Variants in SEC24A observed in about 807,000 individuals in gnomAD.
The protein encoded by SEC24A is SEC24 homolog A, COPII component.
SEC24A carries 93 observed loss-of-function variants against 129.4 expected under a neutral mutation model. The observed-to-expected ratio is 0.72, with a 90% CI of 0.61 to 0.85. The LOEUF is 0.85. Ranked by LOEUF, SEC24A falls within the 40% of genes least tolerant of loss-of-function variation. The pLI is 0.00. For missense variants in SEC24A, 1,264 were observed against 1,307.4 expected (o/e 0.97, Z 0.51); for synonymous variants, 460 against 467.3 (o/e 0.98, Z 0.20).
At chr5:134,659,516 G>A (rs1396524418) in intron 1 of SEC24A, among the ~76,000 whole-genome samples, 1 of 152,034 alleles carries the variant, frequency 6.6e-6, no homozygotes, top group Non-Finnish European at 1.5e-5. Flanking sequence ...TTTTCACATA[G>A]TGGGGAGGGA....
chr5:134,676,558 C>T (rs911779038), intron 7 of SEC24A, among the ~76,000 whole-genome samples: 1 of 151,574 alleles, frequency 6.6e-6, no homozygotes, highest in Non-Finnish European at 1.5e-5. Context: ...ATTCTCTTGC[C>T]TCAGCTTCCT....
At chr5:134,719,381 C>CA (rs34242727) in intron 20 of SEC24A, among the ~76,000 whole-genome samples, 2,026 of 61,230 alleles carry the variant, frequency 0.033, 38 homozygotes, top group Middle Eastern at 0.1. Flanking sequence ...TACCTAGTCT[C>CA]AAAAAAAAAA....
At chr5:134,712,626 A>AT (rs572753444) in intron 18 of SEC24A, among the ~76,000 whole-genome samples, 47 of 148,488 alleles carry the variant, frequency 3.2e-4, no homozygotes, top group African/African-American at 9.4e-4. Flanking sequence ...TAAATATTTA[A>AT]TTTTTTTTTT....
chr5:134,725,373 A>C lies in SEC24A; in HGVS notation c.*279A>C, dbSNP rs1752734917. ...TTGAGTTGTTATGGATTAAAATAAG[A>C]ATATTGCAGAGGCAAAGTACATTTT... On this transcript the variant is annotated 3_prime_UTR_variant, in exon 23 of 23. Transcript: ENST00000398844. 4.3e-6 allele frequency: 1 copy of C among 233,368 alleles called. No individual in the cohort carries two copies. The highest frequency in any genetic ancestry group is 8.2e-6 in the Non-Finnish European group (1 of 121,624). 14.5% of individuals were successfully genotyped at this position (233,368 alleles called of 1,614,324 possible). A position where few individuals can be genotyped will look rare whatever the true frequency, so the allele number is the denominator to read the frequency against.
chr5:134,682,617 A>C (rs1751314757), intron 9 of SEC24A, 135 bp downstream of exon 9: 2 of 504,134 alleles, frequency 4.0e-6, no homozygotes, highest in South Asian at 5.2e-5. Context: ...CCCATGCTGG[A>C]GTGCAGTGGT....
intron 9 of SEC24A, 140 bp downstream of exon 9, chr5:134,682,622 A>C (rs760435813): frequency 5.8e-6 from 3 of 517,406 alleles, no homozygotes; most frequent in Non-Finnish European, 1.0e-5. Flanking sequence ...GCTGGAGTGC[A>C]GTGGTGCAGT....
At chr5:134,655,926 T>A (rs1215522726) in intron 1 of SEC24A, among the ~76,000 whole-genome samples, 2 of 151,968 alleles carry the variant, frequency 1.3e-5, no homozygotes, top group African/African-American at 2.4e-5. Flanking sequence ...TCTCTCCTCC[T>A]TAAATATTGG....
intron 13 of SEC24A, among the ~76,000 whole-genome samples, chr5:134,695,415 G>T (rs1030618075): frequency 1.3e-5 from 2 of 152,110 alleles, no homozygotes; most frequent in African/African-American, 4.8e-5. Context: ...GCTTTGGGAG[G>T]CTGAGGCAGG....
chr5:134,703,976 G>A, intron 16 of SEC24A, 44 bp downstream of exon 16: 2 of 1,358,234 alleles, frequency 1.5e-6, no homozygotes, highest in Non-Finnish European at 2.0e-6. Context: ...TTCAAATATT[G>A]TCTGGATTTC....
At chr5:134,651,924 G>A (rs1750067521) in intron 1 of SEC24A, among the ~76,000 whole-genome samples, 1 of 148,200 alleles carries the variant, frequency 6.7e-6, no homozygotes, top group South Asian at 2.1e-4. Context: ...TGCATATTCT[G>A]TTGAAAACTC....
At chr5:134,681,941 T>C (rs1381685025) in intron 8 of SEC24A, among the ~76,000 whole-genome samples, 1 of 152,076 alleles carries the variant, frequency 6.6e-6, no homozygotes, top group African/African-American at 2.4e-5. Flanking sequence ...CTTGTATAAT[T>C]GGGAAGTTTA....
At chr5:134,672,056 C>T (rs930629894) in intron 4 of SEC24A, among the ~76,000 whole-genome samples, 170 bp downstream of exon 4, 1 of 152,136 alleles carries the variant, frequency 6.6e-6, no homozygotes, top group Non-Finnish European at 1.5e-5. Context: ...CTCACTCTGT[C>T]GCTCAGGCTG....
chr5:134,648,876 T>G lies in SEC24A; in HGVS notation c.-201T>G. On this transcript the variant is annotated 5_prime_UTR_variant, in exon 1 of 23. Transcript: ENST00000398844. ...GCCCCGCCGGCCCGACTCTCAAGCC[T>G]CAGCTCCCAGGCTAGGCTGTGGCCG... 2.3e-6 allele frequency: 1 copy of G among 432,684 alleles called. No homozygotes were observed. The highest frequency in any genetic ancestry group is 4.2e-5 in the South Asian group (1 of 23,780). The allele number at this position is 432,684 out of a possible 1,614,324, so 26.8% of individuals were successfully genotyped here.
intron 10 of SEC24A, among the ~76,000 whole-genome samples, chr5:134,687,670 A>G (rs540477810): frequency 2.9e-4 from 44 of 152,302 alleles, no homozygotes; most frequent in African/African-American, 1.0e-3. Flanking sequence ...GGGATTGTGA[A>G]TTGATGAGAT....
intron 22 of SEC24A, among the ~76,000 whole-genome samples, chr5:134,724,650 A>AT (rs1752717076): frequency 6.6e-6 from 1 of 151,964 alleles, no homozygotes; most frequent in Non-Finnish European, 1.5e-5. Flanking sequence ...TGAAAAATCC[A>AT]TTCAGTTATT....
intron 1 of SEC24A, 64 bp from the exon 2 acceptor site, chr5:134,661,055 C>G (rs906793487): frequency 8.8e-6 from 10 of 1,142,810 alleles, no homozygotes; most frequent in Middle Eastern, 2.0e-4. Context: ...ATATGTTTTA[C>G]TTTATTTCTT....
In SEC24A at chr5:134,715,099, T is replaced by G; in HGVS notation, c.2803T>G (p.Leu935Val). 6.2e-7 allele frequency: 1 copy of G among 1,611,964 alleles called. No homozygotes were observed. Among genetic ancestry groups the G allele is most frequent in the Non-Finnish European group, 8.5e-7 (1 of 1,179,128 alleles). ...TATGTGTCAAGTGAAAAACCAGCCC[T>G]TGGTTTACCTTATGCTCACAACTCA... Reference protein sequence around the residue: ...FAMCQVKNQPLVYLMLTTHPS... With the variant: ...FAMCQVKNQPVVYLMLTTHPS... Residue 935 changes from leucine (L) to valine (V), a missense_variant, in exon 19 of 23, where the codon TTG becomes GTG. Leu to Val is a conservative substitution (Grantham distance 32). Coordinates refer to ENST00000398844, the MANE Select transcript of SEC24A (RefSeq NM_021982.3).
intron 1 of SEC24A, among the ~76,000 whole-genome samples, chr5:134,655,190 T>C (rs1750197800): frequency 6.6e-6 from 1 of 152,096 alleles, no homozygotes; most frequent in Non-Finnish European, 1.5e-5. Context: ...TCCTATGAAA[T>C]AGGATTTTAC....
intron 9 of SEC24A, among the ~76,000 whole-genome samples, chr5:134,683,763 C>T (rs1327211840): frequency 6.6e-6 from 1 of 152,180 alleles, no homozygotes; most frequent in Non-Finnish European, 1.5e-5. Context: ...TAGCACTTTA[C>T]ATTTTATAAA....
Sources: gnomAD v4.1 joint callset for allele counts (sites outside exome capture counted in the v4.1 genomes callset) on GRCh38, gnomAD v4.1.1 for gene constraint, MANE v1.5 for transcripts, NCBI Gene and HGNC (gene_info 2026-07-23, HGNC 2026-07-21) for gene names.